SLC1A1: variants seen among roughly 807,000 people sequenced by gnomAD.
The protein encoded by SLC1A1 is solute carrier family 1 member 1.
A neutral mutation model predicts 53.3 loss-of-function variants in SLC1A1; 43 were observed. The observed-to-expected ratio is 0.81, with a 90% CI of 0.63 to 1.04. SLC1A1 has a LOEUF of 1.04. Among genes scored for constraint, SLC1A1 ranks in the 50% least tolerant of loss-of-function variants. The pLI is 0.00. For missense variants in SLC1A1, 748 were observed against 664.9 expected (o/e 1.12, Z -1.37); for synonymous variants, 307 against 243.2 (o/e 1.26, Z -2.44).
intron 1 of SLC1A1, among the ~76,000 whole-genome samples, chr9:4,530,567 G>C (rs1816431088): frequency 6.6e-6 from 1 of 152,138 alleles, no homozygotes; most frequent in African/African-American, 2.4e-5. Flanking sequence ...TTCTGAGTCA[G>C]ACCGAATTCT....
intron 1 of SLC1A1, among the ~76,000 whole-genome samples, chr9:4,513,961 C>G (rs1370690875): frequency 1.3e-5 from 2 of 152,174 alleles, no homozygotes; most frequent in Non-Finnish European, 2.9e-5. Context: ...GAATATGATT[C>G]CATCTGCATG....
Position 4,576,219 on chromosome 9 carries a change from T to C in SLC1A1, c.998+96T>C, listed in dbSNP as rs377699393. ...AACAGACTCCAGCTTGCGGTTTTTG[T>C]AGCTGTCTTTGAGAAATGACCTCCG... is the stretch of plus-strand genomic sequence containing the variant. On this transcript the variant is annotated intron_variant, in intron 9 of 11. Transcript: ENST00000262352. 2.7e-5 allele frequency: 33 copies of C among 1,241,384 alleles called. No individual in the cohort carries two copies. The East Asian group carries it at 5.1e-4, about 19-fold the overall frequency. 76.9% of individuals were successfully genotyped at this position (1,241,384 alleles called of 1,614,324 possible). A position where few individuals can be genotyped will look rare whatever the true frequency, so the allele number is the denominator to read the frequency against.
At chr9:4,547,227 G>A (rs1211938309) in intron 2 of SLC1A1, among the ~76,000 whole-genome samples, 1 of 152,198 alleles carries the variant, frequency 6.6e-6, no homozygotes, top group Non-Finnish European at 1.5e-5. Context: ...GATGTTTTGT[G>A]TGTTAGCTCA....
rs1192840373 is a variant in SLC1A1 at position 4,586,707 on chromosome 9, T to C, written c.*1149T>C. The C allele has an allele frequency of 6.6e-6, 1 of 152,220 alleles. No homozygotes were observed. The highest frequency in any genetic ancestry group is 6.5e-5 in the Admixed American group (1 of 15,282). 9.4% of individuals were successfully genotyped at this position (152,220 alleles called of 1,614,324 possible). A position where few individuals can be genotyped will look rare whatever the true frequency, so the allele number is the denominator to read the frequency against. Reference sequence around the variant, plus strand: ...GGCAAGCTACCAACTAAGTTGTATTTTAATAAAGATTCCATGGGTTGAACA... The same window carrying C: ...GGCAAGCTACCAACTAAGTTGTATTCTAATAAAGATTCCATGGGTTGAACA... On this transcript the variant is annotated 3_prime_UTR_variant, in exon 12 of 12. Coordinates refer to ENST00000262352, the MANE Select transcript of SLC1A1 (RefSeq NM_004170.6).
chr9:4,532,615 A>T (rs7864220), intron 1 of SLC1A1, among the ~76,000 whole-genome samples: 1,640 of 152,310 alleles, frequency 0.011, 32 homozygotes, highest in African/African-American at 0.037. Context: ...ATGGGGAGAA[A>T]GGAACCAAGT....
At chr9:4,584,491 G>C (rs1821406236) in intron 11 of SLC1A1, among the ~76,000 whole-genome samples, 1 of 152,194 alleles carries the variant, frequency 6.6e-6, no homozygotes, top group Non-Finnish European at 1.5e-5. Context: ...ACTAGGGCCA[G>C]TTCAATCCCT....
intron 1 of SLC1A1, among the ~76,000 whole-genome samples, chr9:4,515,757 G>A (rs993024952): frequency 1.3e-5 from 2 of 152,144 alleles, no homozygotes; most frequent in Admixed American, 1.3e-4. Context: ...CTTTCCAGCA[G>A]GACTGAACCC....
Position 4,561,539 on chromosome 9 carries a change from T to G in SLC1A1, c.323T>G (p.Leu108Arg). 1 of 1,528,198 alleles carries G rather than the reference T, an allele frequency of 6.5e-7. No individual in the cohort carries two copies. Among genetic ancestry groups the G allele is most frequent in the Non-Finnish European group, 9.1e-7 (1 of 1,101,574 alleles). 94.7% of individuals were successfully genotyped at this position (1,528,198 alleles called of 1,614,324 possible). A position where few individuals can be genotyped will look rare whatever the true frequency, so the allele number is the denominator to read the frequency against. Residue 108 changes from leucine to arginine, a missense_variant and splice_region_variant, in exon 3 of 12, where the codon CTA becomes CGA. Coordinates refer to ENST00000262352, the MANE Select transcript of SLC1A1 (RefSeq NM_004170.6). The stretch of plus-strand genomic sequence containing the variant: ...TGTACCACTCTCATTGCTGTTATTC[T>G]AGGTAATACTTATTTCTGAATCCTT... ...YFCTTLIAVI[L>R]GIVLVVSIKP...
chr9:4,575,672 C>T (rs573891966), intron 8 of SLC1A1, among the ~76,000 whole-genome samples: 3 of 152,150 alleles, frequency 2.0e-5, no homozygotes, highest in South Asian at 2.1e-4. Context: ...TGAGCAGCAA[C>T]AGAAGGAAAA....
At chr9:4,555,121 G>C (rs1818253184) in intron 2 of SLC1A1, among the ~76,000 whole-genome samples, 1 of 152,188 alleles carries the variant, frequency 6.6e-6, no homozygotes, top group Non-Finnish European at 1.5e-5. Context: ...GCTGGGATTT[G>C]AGCCCAGTCT....
chr9:4,550,139 C>A (rs936769007), intron 2 of SLC1A1, among the ~76,000 whole-genome samples: 1 of 152,200 alleles, frequency 6.6e-6, no homozygotes, highest in African/African-American at 2.4e-5. Context: ...TTATTAAACA[C>A]TAGACGTCAG....
chr9:4,582,641 G>C (rs1043189997), intron 10 of SLC1A1, among the ~76,000 whole-genome samples: 1 of 152,192 alleles, frequency 6.6e-6, no homozygotes, highest in Non-Finnish European at 1.5e-5. Flanking sequence ...AGGTGCAGAG[G>C]TACCTGGCAC....
At chr9:4,525,925 C>T (rs1816241582) in intron 1 of SLC1A1, among the ~76,000 whole-genome samples, 1 of 152,056 alleles carries the variant, frequency 6.6e-6, no homozygotes, top group South Asian at 2.1e-4. Flanking sequence ...ATATTTAGAA[C>T]TAAACAAAAG....
chr9:4,505,200 C>A (rs993907653), intron 1 of SLC1A1, among the ~76,000 whole-genome samples: 1 of 151,892 alleles, frequency 6.6e-6, no homozygotes. Flanking sequence ...ATGTGCAACA[C>A]CATGCCTAGC....
rs184168701 is a variant in SLC1A1, at chr9:4,536,175, A to G, written c.92-8392A>G. ...TAAAACACCAAAAGCAATGGCAACA[A>G]AAGCCAAAACTGACAAATGGGATCT... is the stretch of plus-strand genomic sequence containing the variant. On this transcript the variant is annotated intron_variant, in intron 1 of 11. Coordinates refer to ENST00000262352, the MANE Select transcript of SLC1A1 (RefSeq NM_004170.6). 7.4e-4 allele frequency among the ~76,000 whole-genome samples: 112 copies of G among 152,322 alleles called. 1 individual carries two copies. The highest frequency in any genetic ancestry group is 2.6e-3 in the African/African-American group (109 of 41,580).
chr9:4,518,983 T>C (rs1342434109), intron 1 of SLC1A1, among the ~76,000 whole-genome samples: 1 of 152,220 alleles, frequency 6.6e-6, no homozygotes, highest in African/African-American at 2.4e-5. Flanking sequence ...TTGTGTCTAA[T>C]TGTGTCATGT....
intron 2 of SLC1A1, among the ~76,000 whole-genome samples, chr9:4,550,177 A>G (rs187488663): frequency 9.8e-5 from 15 of 152,356 alleles, no homozygotes; most frequent in African/African-American, 2.9e-4. Context: ...TTGTTTATCA[A>G]TGACTTTCAG....
rs116455865 is a variant in SLC1A1, at chr9:4,496,978, G to C, written c.91+6208G>C. On this transcript the variant is annotated intron_variant, in intron 1 of 11. Transcript: ENST00000262352. ...TGGAGTGAGGCCTGGGACAGTAGAA[G>C]ACAGTGTGAAATGGAGGGACCTAGT... Among the ~76,000 whole-genome samples, 1,046 of 152,222 alleles carry C rather than the reference G, an allele frequency of 6.9e-3. 13 individuals carry two copies. The highest frequency in any genetic ancestry group is 0.024 in the African/African-American group (1,013 of 41,526).
In SLC1A1 at chr9:4,583,853, T is replaced by TTTCTCTC. The variant is rs1554691036; in HGVS notation, c.1328+682_1328+683insTCTCTCT. On this transcript the variant is annotated intron_variant, in intron 11 of 11. Transcript: ENST00000262352. The surrounding 1 kb of genome is among the most constrained non-coding windows in gnomAD (Gnocchi z 4.6). ...CCATTCAGGCCCCAATCAACAACAC[T>TTTCTCTC]TCTCTCTCTCTCTCTCTCTCTCTCT... 2.9e-5 allele frequency among the ~76,000 whole-genome samples: 4 copies of TTTCTCTC among 137,002 alleles called. No homozygotes were observed. The highest frequency in any genetic ancestry group is 2.4e-4 in the South Asian group (1 of 4,170). 89.9% of individuals were successfully genotyped at this position (137,002 alleles called of 152,430 possible).
Sources: gnomAD v4.1 joint callset for allele counts (sites outside exome capture counted in the v4.1 genomes callset) on GRCh38, gnomAD v4.1.1 for gene constraint, Gnocchi (gnomAD v3.1) non-coding constraint, MANE v1.5 for transcripts, NCBI Gene and HGNC (gene_info 2026-07-23, HGNC 2026-07-21) for gene names.